Variants in PYM1 observed in about 807,000 individuals in gnomAD.
The protein encoded by PYM1 is PYM1 exon junction complex associated factor.
A neutral mutation model predicts 20.7 loss-of-function variants in PYM1; 7 were observed. The ratio of observed to expected loss-of-function variants is 0.34; its 90% CI spans 0.19 to 0.64. The LOEUF is 0.64. PYM1 is among the 30% of genes least tolerant of loss of function. The probability of loss-of-function intolerance (pLI) is 0.74; values close to 1 mark genes in which losing one functional copy is unlikely to be tolerated. For synonymous variants in PYM1, 100 were observed against 99.2 expected (o/e 1.01, Z -0.05); for missense variants, 194 against 250.0 (o/e 0.78, Z 1.51).
chr12:55,915,538 G>A (rs1029167806), intron 1 of PYM1, among the ~76,000 whole-genome samples: 7 of 144,468 alleles, frequency 4.8e-5, no homozygotes, highest in Non-Finnish European at 9.0e-5. Flanking sequence ...CAGCCTGGGC[G>A]ACAGAGCAAG....
chr12:55,926,269 A>G (rs1008910993), intron 1 of PYM1, among the ~76,000 whole-genome samples: 3 of 152,254 alleles, frequency 2.0e-5, no homozygotes, highest in African/African-American at 7.2e-5. Flanking sequence ...GGACAAAACC[A>G]TGATAAAAGC....
intron 1 of PYM1, among the ~76,000 whole-genome samples, chr12:55,907,911 C>T (rs990684165): frequency 6.6e-6 from 1 of 151,904 alleles, no homozygotes; most frequent in Non-Finnish European, 1.5e-5. Flanking sequence ...GCACTCCAAC[C>T]TGGGCAACAG....
At chr12:55,917,955 A>G (rs1219666236) in intron 1 of PYM1, among the ~76,000 whole-genome samples, 1 of 151,984 alleles carries the variant, frequency 6.6e-6, no homozygotes, top group Non-Finnish European at 1.5e-5. Flanking sequence ...GCAAGACTCC[A>G]TCACAAAAAA....
intron 1 of PYM1, among the ~76,000 whole-genome samples, chr12:55,912,457 G>A (rs1029864671): frequency 4.6e-5 from 7 of 152,160 alleles, no homozygotes; most frequent in Non-Finnish European, 8.8e-5. Flanking sequence ...GGTGGCTCAC[G>A]CCTGTAATCC....
intron 1 of PYM1, among the ~76,000 whole-genome samples, chr12:55,918,542 G>A (rs1467611814): frequency 1.3e-5 from 2 of 152,104 alleles, no homozygotes; most frequent in African/African-American, 4.8e-5. Flanking sequence ...AGACCATCCT[G>A]GGTAAGATGG....
At chr12:55,915,991 T>C (rs1040524185) in intron 1 of PYM1, among the ~76,000 whole-genome samples, 1 of 152,202 alleles carries the variant, frequency 6.6e-6, no homozygotes, top group Non-Finnish European at 1.5e-5. Context: ...ATCTAAACGA[T>C]AGATAGATAT....
intron 1 of PYM1, among the ~76,000 whole-genome samples, chr12:55,925,342 A>G (rs780110205): frequency 3.3e-5 from 5 of 152,224 alleles, no homozygotes; most frequent in Admixed American, 1.3e-4. Context: ...AGATAGTGAA[A>G]TAGGTGACTG....
chr12:55,904,743 G>A (rs1450010130), intron 1 of PYM1, among the ~76,000 whole-genome samples: 1 of 151,652 alleles, frequency 6.6e-6, no homozygotes, highest in African/African-American at 2.4e-5. Context: ...CGGGTGTGAT[G>A]GCACACGTCT....
intron 1 of PYM1, among the ~76,000 whole-genome samples, chr12:55,905,656 T>G (rs1000552715): frequency 6.8e-6 from 1 of 146,940 alleles, no homozygotes; most frequent in East Asian, 2.0e-4. Context: ...TGAGTGGAGA[T>G]TGCGCCACTG....
chr12:55,903,631 CCT>C, intron 1 of PYM1, 151 bp from the exon 2 acceptor site: 2 of 669,804 alleles, frequency 3.0e-6, no homozygotes, highest in Non-Finnish European at 5.1e-6. Context: ...ACACTCAATC[CCT>C]CTCTCATTAT....
At chr12:55,912,541 G>A (rs545493816) in intron 1 of PYM1, among the ~76,000 whole-genome samples, 52 of 151,914 alleles carry the variant, frequency 3.4e-4, no homozygotes, top group Admixed American at 2.6e-3. Context: ...CCAAGATCGT[G>A]CCATCGCACT....
chr12:55,920,024 T>C lies in PYM1; in HGVS notation c.37+7701A>G, dbSNP rs76824530. Among the ~76,000 whole-genome samples, 543 of 151,672 alleles carry C rather than the reference T, an allele frequency of 3.6e-3. 2 individuals are homozygous for C. Among genetic ancestry groups the C allele is most frequent in the African/African-American group, 0.012 (514 of 41,352 alleles). ...GAGTTTGAGAACAGCCTGGGCAACA[T>C]AGCTCTATAAAAAAATTCAAAAATT... On this transcript the variant is annotated intron_variant, in intron 1 of 2. Transcript: ENST00000408946.
At chr12:55,926,544 G>A (rs543615752) in intron 1 of PYM1, among the ~76,000 whole-genome samples, 1 of 152,272 alleles carries the variant, frequency 6.6e-6, no homozygotes, top group Admixed American at 6.5e-5. Flanking sequence ...TTGTATTAGG[G>A]TCCTCTTCCC....
At chr12:55,927,562 C>A in intron 1 of PYM1, 163 bp downstream of exon 1, 3 of 891,554 alleles carry the variant, frequency 3.4e-6, no homozygotes, top group Non-Finnish European at 5.1e-6. Context: ...TCCAGGAACG[C>A]ACTGGGGCGC....
At chr12:55,927,588 G>C in intron 1 of PYM1, 137 bp downstream of exon 1, 1 of 1,137,040 alleles carries the variant, frequency 8.8e-7, no homozygotes, top group South Asian at 1.5e-5. Context: ...TGTTTCTAGG[G>C]ACGGTTGGAG....
chr12:55,905,844 T>TTAG (rs1463165011), intron 1 of PYM1, among the ~76,000 whole-genome samples: 6 of 120,310 alleles, frequency 5.0e-5, no homozygotes, highest in Non-Finnish European at 8.3e-5. Flanking sequence ...ATATTAGATA[T>TTAG]ATATATTATA....
intron 2 of PYM1, 53 bp downstream of exon 2, chr12:55,903,334 T>C (rs372844441): frequency 1.1e-4 from 171 of 1,522,848 alleles, no homozygotes; most frequent in Admixed American, 4.4e-4. Flanking sequence ...GGATATTCTA[T>C]CCTTCTGTAG....
At chr12:55,920,169 A>G (rs991064821) in intron 1 of PYM1, among the ~76,000 whole-genome samples, 2 of 151,850 alleles carry the variant, frequency 1.3e-5, no homozygotes, top group East Asian at 3.9e-4. Context: ...GCCACTGTAC[A>G]CTAACCTGGG....
At chr12:55,926,710 G>A (rs1459142394) in intron 1 of PYM1, among the ~76,000 whole-genome samples, 1 of 152,116 alleles carries the variant, frequency 6.6e-6, no homozygotes, top group Non-Finnish European at 1.5e-5. Flanking sequence ...CTGAGATGGG[G>A]GAGGGGAAAA....
Sources: allele counts gnomAD v4.1 joint callset (sites outside exome capture counted in the v4.1 genomes callset), GRCh38; gene constraint gnomAD v4.1.1; transcripts MANE v1.5; gene names NCBI Gene and HGNC (gene_info 2026-07-23, HGNC 2026-07-21).